Variants in FSTL5 observed in about 807,000 individuals in gnomAD.
FSTL5 encodes follistatin like 5.
A neutral mutation model predicts 89.1 loss-of-function variants in FSTL5; 62 were observed. The ratio of observed to expected loss-of-function variants is 0.70; its 90% CI spans 0.57 to 0.86. The LOEUF (loss-of-function observed/expected upper bound fraction) is 0.86, where lower values mean the gene tolerates loss of function less well. Among genes scored for constraint, FSTL5 ranks in the 40% least tolerant of loss-of-function variants. The probability of loss-of-function intolerance (pLI) is 0.00; values close to 1 mark genes in which losing one functional copy is unlikely to be tolerated. For synonymous variants in FSTL5, 383 were observed against 346.2 expected, an observed-to-expected ratio of 1.11 and a Z score of -1.18; for missense variants, 1,057 against 1,001.6, an observed-to-expected ratio of 1.06 and a Z score of -0.75.
chr4:161,728,098 G>A (rs141361427), intron 6 of FSTL5, among the ~76,000 whole-genome samples: 1 of 152,298 alleles, frequency 6.6e-6, no homozygotes, highest in African/African-American at 2.4e-5. Flanking sequence ...AAGGTAAGCA[G>A]AATTCAGATG....
At chr4:161,813,030 C>T (rs940667535) in intron 4 of FSTL5, among the ~76,000 whole-genome samples, 2 of 141,288 alleles carry the variant, frequency 1.4e-5, no homozygotes, top group African/African-American at 2.6e-5. Flanking sequence ...TGAAAGATCC[C>T]TTTTTTTTTT....
chr4:161,850,948 C>T (rs114160982), intron 4 of FSTL5, among the ~76,000 whole-genome samples: 1,530 of 152,172 alleles, frequency 0.01, 29 homozygotes, highest in African/African-American at 0.035. Flanking sequence ...GGGCTTAATA[C>T]TAAGGTAATG....
chr4:161,835,615 C>A (rs1349464615), intron 4 of FSTL5, among the ~76,000 whole-genome samples: 4 of 151,740 alleles, frequency 2.6e-5, no homozygotes, highest in African/African-American at 9.7e-5. Context: ...AAGAAAAAAA[C>A]AAACAACCCC....
intron 3 of FSTL5, among the ~76,000 whole-genome samples, chr4:161,966,177 A>G (rs771944160): frequency 5.9e-5 from 9 of 152,132 alleles, no homozygotes; most frequent in Non-Finnish European, 1.2e-4. Flanking sequence ...GTTTCTTACT[A>G]AGGCATGAGC....
intron 3 of FSTL5, among the ~76,000 whole-genome samples, chr4:161,968,696 T>C (rs1735393499): frequency 6.6e-6 from 1 of 152,072 alleles, no homozygotes; most frequent in African/African-American, 2.4e-5. Flanking sequence ...AATAATTCCA[T>C]GTATGTTTGA....
chr4:162,136,296 G>A (rs540484457), intron 1 of FSTL5, among the ~76,000 whole-genome samples: 4 of 152,222 alleles, frequency 2.6e-5, no homozygotes, highest in African/African-American at 7.2e-5. Context: ...GGGCAAGACT[G>A]TAAGGGATGA....
chr4:161,634,594 A>T (rs1735623708), intron 7 of FSTL5, among the ~76,000 whole-genome samples: 1 of 152,194 alleles, frequency 6.6e-6, no homozygotes. Flanking sequence ...TTGTGACAAT[A>T]TCCATGAACC....
chr4:161,932,777 A>C (rs936126657), intron 3 of FSTL5, among the ~76,000 whole-genome samples: 11 of 152,036 alleles, frequency 7.2e-5, no homozygotes, highest in Non-Finnish European at 1.2e-4. Flanking sequence ...ATAAAATAAA[A>C]TTAATATTTT....
intron 4 of FSTL5, among the ~76,000 whole-genome samples, chr4:161,915,181 GATTA>G (rs889406738): frequency 1.3e-5 from 2 of 152,028 alleles, no homozygotes; most frequent in African/African-American, 2.4e-5. Flanking sequence ...TTTTTAGAAT[GATTA>G]ATTAATAATT....
At chr4:161,509,227 C>T (rs1451367020) in intron 11 of FSTL5, among the ~76,000 whole-genome samples, 1 of 152,064 alleles carries the variant, frequency 6.6e-6, no homozygotes, top group Admixed American at 6.6e-5. Context: ...TGCTTGAACC[C>T]GAGAGGTGGA....
At chr4:161,453,392 G>T (rs1379750562) in intron 15 of FSTL5, among the ~76,000 whole-genome samples, 1 of 151,868 alleles carries the variant, frequency 6.6e-6, no homozygotes, top group Non-Finnish European at 1.5e-5. Flanking sequence ...AACACCAATT[G>T]CCAATTACAT....
At chr4:161,578,039 C>T (rs139523595) in intron 8 of FSTL5, among the ~76,000 whole-genome samples, 65 of 151,988 alleles carry the variant, frequency 4.3e-4, no homozygotes, top group African/African-American at 7.7e-4. Flanking sequence ...CTCAATGCTT[C>T]GGCAAATCTA....
At chr4:162,111,493 C>G (rs1731442017) in intron 1 of FSTL5, 81 bp from the exon 2 acceptor site, 1 of 1,091,112 alleles carries the variant, frequency 9.2e-7, no homozygotes, top group Non-Finnish European at 1.3e-6. Flanking sequence ...TTTAATATCA[C>G]ATATAAATCT....
chr4:161,890,181 G>T (rs1164150468), intron 4 of FSTL5, among the ~76,000 whole-genome samples: 1 of 152,092 alleles, frequency 6.6e-6, no homozygotes, highest in African/African-American at 2.4e-5. Flanking sequence ...CTGCAATAGG[G>T]ATAAAAGAAA....
chr4:161,772,496 C>CAA (rs72421551), intron 5 of FSTL5, among the ~76,000 whole-genome samples: 31,733 of 151,922 alleles, frequency 0.21, 6,076 homozygotes, highest in African/African-American at 0.51. Flanking sequence ...ATGAATTCAG[C>CAA]AGTTTCAGGA....
intron 6 of FSTL5, among the ~76,000 whole-genome samples, chr4:161,685,708 A>C (rs959854490): frequency 6.6e-6 from 1 of 152,112 alleles, no homozygotes; most frequent in Non-Finnish European, 1.5e-5. Flanking sequence ...TTAGCAAACA[A>C]AGACCGTTTG....
intron 8 of FSTL5, among the ~76,000 whole-genome samples, chr4:161,571,241 G>A (rs185992478): frequency 1.0e-3 from 153 of 152,246 alleles, no homozygotes; most frequent in African/African-American, 3.2e-3. Flanking sequence ...CCCCTAGGTG[G>A]GATCTGCCAA....
intron 4 of FSTL5, among the ~76,000 whole-genome samples, chr4:161,818,711 C>T (rs1730404566): frequency 6.6e-6 from 1 of 152,140 alleles, no homozygotes; most frequent in Admixed American, 6.5e-5. Flanking sequence ...AGGAACGATT[C>T]CTTTTCTTTT....
chr4:161,565,600 G>T (rs1732769125), intron 8 of FSTL5, among the ~76,000 whole-genome samples: 3 of 151,570 alleles, frequency 2.0e-5, no homozygotes, highest in South Asian at 4.2e-4. Flanking sequence ...CTTGCTGTTT[G>T]CCCGCCACTT....
Sources: gnomAD v4.1 joint callset for allele counts (sites outside exome capture counted in the v4.1 genomes callset) on GRCh38, gnomAD v4.1.1 for gene constraint, MANE v1.5 for transcripts, NCBI Gene and HGNC (gene_info 2026-07-23, HGNC 2026-07-21) for gene names.